The following ABI3BP variants were observed in gnomAD, a reference collection of about 807,000 sequenced individuals.
ABI3BP encodes the protein ABI family member 3 binding protein.
In ABI3BP, 216 loss-of-function variants were observed where a neutral mutation model predicts 268.6. The ratio of observed to expected loss-of-function variants is 0.80; its 90% CI spans 0.72 to 0.90. The LOEUF (loss-of-function observed/expected upper bound fraction) is 0.90, where lower values mean the gene tolerates loss of function less well. ABI3BP is among the 40% of genes least tolerant of loss of function. The pLI, the probability that ABI3BP is intolerant of heterozygous loss-of-function variation, is 0.00. For missense variants in ABI3BP, 2,090 were observed against 2,182.4 expected, an observed-to-expected ratio of 0.96 and a Z score of 0.84; for synonymous variants, 730 against 730.0, an observed-to-expected ratio of 1.00 and a Z score of 0.00.
intron 2 of ABI3BP, among the ~76,000 whole-genome samples, chr3:100,918,716 C>T (rs1191475389): frequency 6.6e-6 from 1 of 152,046 alleles, no homozygotes; most frequent in Non-Finnish European, 1.5e-5. Flanking sequence ...CATACTTAAA[C>T]CTTAATGAGG....
chr3:100,873,468 T>A (rs934329910), intron 9 of ABI3BP, among the ~76,000 whole-genome samples: 2 of 152,108 alleles, frequency 1.3e-5, no homozygotes, highest in African/African-American at 4.8e-5. Context: ...TATTGGCTTG[T>A]GGGATCCGCA....
chr3:100,850,071 C>T lies in ABI3BP; in HGVS notation c.1475G>A (p.Ser492Asn). The change falls in exon 17 of 68, where the codon AGT becomes AAT. Residue 492 changes from serine to asparagine, a missense_variant. Ser to Asn is a conservative substitution (Grantham distance 46). Coordinates refer to ENST00000471714, the MANE Select transcript of ABI3BP (RefSeq NM_001375547.2). ...AGGTGTCGTAGGCTGCATTTCTGGA[C>T]TGGTAAAGATTTCCAGTTTTTGAGG... ...FVPQKLEIFTSPEMQPTTPAP... is the reference protein window; with the variant it reads ...FVPQKLEIFTNPEMQPTTPAP... The T allele has an allele frequency of 1.2e-6, 2 of 1,611,550 alleles. No homozygotes were observed. Among genetic ancestry groups the T allele is most frequent in the Non-Finnish European group, 8.5e-7 (1 of 1,178,970 alleles).
chr3:100,769,253 G>C (rs897653351), intron 62 of ABI3BP, among the ~76,000 whole-genome samples: 2 of 152,148 alleles, frequency 1.3e-5, no homozygotes. Context: ...TTCTATTTAG[G>C]AAATTCTGCA....
intron 32 of ABI3BP, 54 bp from the exon 33 acceptor site, chr3:100,829,718 G>T: frequency 2.2e-6 from 3 of 1,339,670 alleles, no homozygotes; most frequent in Non-Finnish European, 3.1e-6. Context: ...GGAAGCTGTG[G>T]ATAAGATTAT....
chr3:100,801,607 T>C (rs1452285425), intron 51 of ABI3BP, among the ~76,000 whole-genome samples: 1 of 151,998 alleles, frequency 6.6e-6, no homozygotes, highest in Non-Finnish European at 1.5e-5. Context: ...AATAAGCAAA[T>C]TGCTGAAAAC....
intron 20 of ABI3BP, among the ~76,000 whole-genome samples, chr3:100,845,283 G>A (rs538838144): frequency 2.0e-5 from 3 of 152,056 alleles, no homozygotes; most frequent in Non-Finnish European, 4.4e-5. Flanking sequence ...TATTAGCTAC[G>A]CTTCTTCCCC....
At chr3:100,759,853 G>A (rs894115975) in intron 63 of ABI3BP, among the ~76,000 whole-genome samples, 4 of 152,134 alleles carry the variant, frequency 2.6e-5, no homozygotes, top group Non-Finnish European at 4.4e-5. Flanking sequence ...AATGCCTGAC[G>A]CTTTGGTAGC....
chr3:100,777,955 A>G (rs1312864704), intron 59 of ABI3BP, among the ~76,000 whole-genome samples: 1 of 152,280 alleles, frequency 6.6e-6, no homozygotes, highest in African/African-American at 2.4e-5. Flanking sequence ...CATCACATCT[A>G]TTATTCCTGG....
chr3:100,917,418 T>C (rs2058944856), intron 2 of ABI3BP, among the ~76,000 whole-genome samples: 1 of 152,184 alleles, frequency 6.6e-6, no homozygotes, highest in African/African-American at 2.4e-5. Context: ...AAAGTTGATG[T>C]GACCATGTTC....
chr3:100,827,416 A>G (rs2098408494), intron 34 of ABI3BP, among the ~76,000 whole-genome samples: 1 of 152,092 alleles, frequency 6.6e-6, no homozygotes, highest in African/African-American at 2.4e-5. Flanking sequence ...CATAAACCAA[A>G]GACCCTACAC....
intron 9 of ABI3BP, among the ~76,000 whole-genome samples, chr3:100,870,244 G>A (rs1006213190): frequency 6.6e-6 from 1 of 152,118 alleles, no homozygotes; most frequent in African/African-American, 2.4e-5. Context: ...CCTATGCATT[G>A]AGAGAAAATA....
rs560215812 is a variant in ABI3BP, at chr3:100,907,941, C to T, written c.260-5255G>A. 3.3e-3 allele frequency among the ~76,000 whole-genome samples: 500 copies of T among 151,958 alleles called. 2 individuals are homozygous for T. Among genetic ancestry groups the T allele is most frequent in the Middle Eastern group, 6.8e-3 (2 of 294 alleles). Reference sequence around the variant, plus strand: ...CCATCCTGGCTAACACAGTGAAACCCCATCTCTACTAAAAAATACAAAAAA... The same window carrying T: ...CCATCCTGGCTAACACAGTGAAACCTCATCTCTACTAAAAAATACAAAAAA... On this transcript the variant is annotated intron_variant, in intron 2 of 67. Coordinates refer to ENST00000471714, the MANE Select transcript of ABI3BP (RefSeq NM_001375547.2).
chr3:100,864,217 T>C, intron 11 of ABI3BP, 141 bp from the exon 12 acceptor site: 1 of 651,060 alleles, frequency 1.5e-6, no homozygotes, highest in Non-Finnish European at 2.7e-6. Flanking sequence ...TAACCTTCCC[T>C]GGAAAAGTTA....
intron 61 of ABI3BP, among the ~76,000 whole-genome samples, chr3:100,771,690 A>G (rs2149954948): frequency 6.6e-6 from 1 of 152,290 alleles, no homozygotes. Context: ...GAACTCAAAG[A>G]CATAGCAATA....
chr3:100,797,830 A>G (rs2097395722), intron 51 of ABI3BP, among the ~76,000 whole-genome samples: 1 of 152,088 alleles, frequency 6.6e-6, no homozygotes, highest in Non-Finnish European at 1.5e-5. Flanking sequence ...TGTTTTCTTA[A>G]AGAAAAAAGG....
In ABI3BP at chr3:100,804,843, T is replaced by C; in HGVS notation, c.3706A>G (p.Thr1236Ala). The C allele has an allele frequency of 1.9e-6, 3 of 1,613,070 alleles. No homozygotes were observed. Among genetic ancestry groups the C allele is most frequent in the Non-Finnish European group, 2.5e-6 (3 of 1,179,166 alleles). ...QPVPKVPQRV[T>A]AKPKTSPSPE... is the part of the protein sequence containing the mutation. ...CTTGGTGACGTTTTTGGTTTTGCAGTAACACGCTGGGGCACCTTAGGAACT... is the reference window on the plus strand; with the variant it reads ...CTTGGTGACGTTTTTGGTTTTGCAGCAACACGCTGGGGCACCTTAGGAACT... The change falls in exon 51 of 68, where the codon ACT becomes GCT. Residue 1236 changes from threonine (T) to alanine (A), a missense_variant. Physicochemically the swap from Thr to Ala is moderately conservative, Grantham distance 58. Coordinates refer to ENST00000471714, the MANE Select transcript of ABI3BP (RefSeq NM_001375547.2).
At chr3:100,965,789 C>T (rs573794342) in intron 1 of ABI3BP, among the ~76,000 whole-genome samples, 6 of 151,954 alleles carry the variant, frequency 3.9e-5, no homozygotes, top group Admixed American at 2.0e-4. Flanking sequence ...CAGATTGTGA[C>T]GTGATTTGCC....
Position 100,924,644 on chromosome 3 carries a change from T to C in ABI3BP, c.259+1658A>G, listed in dbSNP as rs142040587. On this transcript the variant is annotated intron_variant, in intron 2 of 67. Coordinates refer to ENST00000471714, the MANE Select transcript of ABI3BP (RefSeq NM_001375547.2). ...TCCTGTAATAAAAAACTTTAAAGAA[T>C]GAACATAATATAAATAAATAAAAGT... 2.5e-3 allele frequency among the ~76,000 whole-genome samples: 387 copies of C among 152,236 alleles called. 1 individual carries two copies. The highest frequency in any genetic ancestry group is 8.8e-3 in the African/African-American group (367 of 41,558).
chr3:100,989,831 A>G (rs2092639430), intron 1 of ABI3BP, among the ~76,000 whole-genome samples: 1 of 152,220 alleles, frequency 6.6e-6, no homozygotes, highest in Admixed American at 6.5e-5. Flanking sequence ...CAATGGTGCC[A>G]AGAATAAAGA....
Sources: allele counts gnomAD v4.1 joint callset (sites outside exome capture counted in the v4.1 genomes callset), GRCh38; gene constraint gnomAD v4.1.1; transcripts MANE v1.5; gene names NCBI Gene and HGNC (gene_info 2026-07-23, HGNC 2026-07-21).